Variants in ZC3H12C observed in about 807,000 individuals in gnomAD.
The protein encoded by ZC3H12C is probable ribonuclease ZC3H12C.
In ZC3H12C, 20 loss-of-function variants were observed where a neutral mutation model predicts 76.3. That is an observed-to-expected ratio of 0.26 (90% confidence interval 0.18 to 0.38). The LOEUF (loss-of-function observed/expected upper bound fraction) is 0.38, where lower values mean the gene tolerates loss of function less well. Among genes scored for constraint, ZC3H12C ranks in the 10% least tolerant of loss-of-function variants. The probability of loss-of-function intolerance (pLI) is 1.00; values close to 1 mark genes in which losing one functional copy is unlikely to be tolerated. For missense variants in ZC3H12C, 874 were observed against 1,086.5 expected (o/e 0.80, Z 2.75); for synonymous variants, 352 against 399.6 (o/e 0.88, Z 1.42).
At chr11:110,126,017 C>T (rs368750962) in intron 1 of ZC3H12C, among the ~76,000 whole-genome samples, 1 of 152,118 alleles carries the variant, frequency 6.6e-6, no homozygotes, top group South Asian at 2.1e-4. Flanking sequence ...TCGTGTTCTT[C>T]CAGTAAATGT....
rs745808533 is a variant in ZC3H12C at position 110,167,599 on chromosome 11, A to G, written c.*1862A>G. Reference sequence around the variant, plus strand: ...TGTCCAAGCACCTTTGACTAGGATAACATTTTCACTACTTGTGTGACACTG... The same window carrying G: ...TGTCCAAGCACCTTTGACTAGGATAGCATTTTCACTACTTGTGTGACACTG... On this transcript the variant is annotated 3_prime_UTR_variant, in exon 6 of 6. Coordinates refer to ENST00000278590, the MANE Select transcript of ZC3H12C (RefSeq NM_033390.2). The G allele has an allele frequency of 3.3e-5, 5 of 152,212 alleles. No homozygotes were observed. The highest frequency in any genetic ancestry group is 7.3e-5 in the Non-Finnish European group (5 of 68,032). 9.4% of individuals were successfully genotyped at this position (152,212 alleles called of 1,614,324 possible).
At chr11:110,112,463 T>A (rs1165090148) in intron 1 of ZC3H12C, among the ~76,000 whole-genome samples, 1 of 152,172 alleles carries the variant, frequency 6.6e-6, no homozygotes, top group Non-Finnish European at 1.5e-5. Flanking sequence ...AGTGCTGGGA[T>A]TATAGGTGTG....
intron 1 of ZC3H12C, among the ~76,000 whole-genome samples, chr11:110,109,957 G>A (rs1233742412): frequency 6.6e-6 from 1 of 152,132 alleles, no homozygotes; most frequent in African/African-American, 2.4e-5. Context: ...CCAGGTTTGA[G>A]TTTTTCCTCA....
intron 1 of ZC3H12C, chr11:110,131,401 C>A: frequency 3.0e-6 from 1 of 332,054 alleles, no homozygotes; most frequent in Non-Finnish European, 5.5e-6. Context: ...ATAAATGTTC[C>A]GATATTTTTG....
rs1347722390 is a variant in ZC3H12C, at chr11:110,164,460, G to A, written c.1375G>A (p.Ala459Thr). The change falls in exon 6 of 6, where the codon GCA (alanine) becomes ACA (threonine). Residue 459 changes from alanine to threonine, a missense_variant. Around this residue, in one of 3 missense-constraint regions of ZC3H12C, gnomAD observed 269 missense variants for 424.9 expected, o/e 0.63. Coordinates refer to ENST00000278590, the MANE Select transcript of ZC3H12C (RefSeq NM_033390.2). The surrounding 1 kb of genome is among the most constrained non-coding windows in gnomAD (Gnocchi z 5.7). ...AMSRNTAAKT[A>T]NEGGLVKSNS... ...GTCTAGAAATACGGCAGCCAAAACT[G>A]CAAACGAAGGAGGACTGGTGAAAAG... 4 of 1,614,014 alleles carry A rather than the reference G, an allele frequency of 2.5e-6. No homozygotes were observed. Among genetic ancestry groups the A allele is most frequent in the Non-Finnish European group, 2.5e-6 (3 of 1,179,904 alleles).
chr11:110,101,204 T>C (rs6589112), intron 1 of ZC3H12C, among the ~76,000 whole-genome samples: 112,335 of 152,044 alleles, frequency 0.74, 42,101 homozygotes, highest in East Asian at 0.89. Context: ...CTAAGAGAGG[T>C]GAGGAAGCTG....
At chr11:110,152,796 A>G (rs914323465) in intron 2 of ZC3H12C, 123 bp from the exon 3 acceptor site, 1 of 1,139,900 alleles carries the variant, frequency 8.8e-7, no homozygotes, top group Admixed American at 2.6e-5. Context: ...TATAAACTCC[A>G]TTTTAACTCT....
chr11:110,125,270 AG>A (rs1861719311), intron 1 of ZC3H12C, among the ~76,000 whole-genome samples: 1 of 138,684 alleles, frequency 7.2e-6, no homozygotes, highest in African/African-American at 2.7e-5. Flanking sequence ...ATCTCTCACT[AG>A]TGTGTGTGTG....
intron 2 of ZC3H12C, among the ~76,000 whole-genome samples, chr11:110,151,044 C>T (rs555032726): frequency 3.9e-5 from 6 of 152,012 alleles, no homozygotes; most frequent in African/African-American, 1.2e-4. Flanking sequence ...TTACCATTAA[C>T]GACATGCCGT....
chr11:110,164,515 A>G lies in ZC3H12C; in HGVS notation c.1430A>G (p.Asp477Gly), dbSNP rs372027524. Residue 477 changes from aspartate (D) to glycine (G), a missense_variant, in exon 6 of 6, where the codon GAT becomes GGT. This residue lies in a region of ZC3H12C where 269 missense variants were observed against 424.9 expected (regional missense o/e 0.63). Transcript: ENST00000278590. This position sits in a 1 kb window ranked among gnomAD's most constrained non-coding sequence, Gnocchi z 5.7. ...SNSVPCSTKA[D>G]STSDVKRGAP... ...AGTGTTCCTTGTAGCACCAAGGCTG[A>G]TAGCACTTCTGATGTCAAACGAGGT... 6.6e-5 allele frequency: 107 copies of G among 1,613,896 alleles called. No homozygotes were observed. Among genetic ancestry groups the G allele is most frequent in the Non-Finnish European group, 8.9e-5 (105 of 1,179,888 alleles).
intron 1 of ZC3H12C, among the ~76,000 whole-genome samples, chr11:110,129,465 C>T (rs1027221657): frequency 6.6e-6 from 1 of 152,052 alleles, no homozygotes; most frequent in African/African-American, 2.4e-5. Context: ...GCCAGGAGTC[C>T]CAAACTAGTG....
Position 110,126,387 on chromosome 11 carries a change from T to C in ZC3H12C, c.22-10276T>C, listed in dbSNP as rs117187242. On this transcript the variant is annotated intron_variant, in intron 1 of 5. Transcript: ENST00000278590. The stretch of plus-strand genomic sequence containing the variant: ...TGTGCCACTATGCCTGGCTAATCTT[T>C]TATTTTTTATTTTTGAGATACAGGA... 3.5e-3 allele frequency among the ~76,000 whole-genome samples: 527 copies of C among 151,772 alleles called. 20 individuals carry two copies. The East Asian group carries it at 0.083, about 24-fold the overall frequency.
intron 2 of ZC3H12C, among the ~76,000 whole-genome samples, chr11:110,143,282 A>G (rs978896305): frequency 2.0e-5 from 3 of 152,316 alleles, no homozygotes; most frequent in African/African-American, 7.2e-5. Flanking sequence ...CCCCCTGCTT[A>G]AGGACTACGG....
intron 1 of ZC3H12C, among the ~76,000 whole-genome samples, chr11:110,128,910 A>AG (rs1491071385): frequency 1.4e-5 from 2 of 145,394 alleles, no homozygotes; most frequent in Non-Finnish European, 3.0e-5. Flanking sequence ...AAAAAAAAAA[A>AG]AGAGATAAAG....
chr11:110,161,124 A>C (rs2134199060), intron 4 of ZC3H12C, among the ~76,000 whole-genome samples: 1 of 152,276 alleles, frequency 6.6e-6, no homozygotes, highest in Non-Finnish European at 1.5e-5. Context: ...GATTACAGGC[A>C]TGAGCCATCA....
intron 1 of ZC3H12C, among the ~76,000 whole-genome samples, chr11:110,096,597 G>C (rs1436102731): frequency 1.3e-5 from 2 of 151,768 alleles, no homozygotes; most frequent in Non-Finnish European, 2.9e-5. Flanking sequence ...CAGGCAGTCT[G>C]ACTTTATAAC....
chr11:110,143,683 A>ATATGTG (rs1862108973), intron 2 of ZC3H12C, among the ~76,000 whole-genome samples: 1 of 152,170 alleles, frequency 6.6e-6, no homozygotes. Context: ...ATGTATTTGT[A>ATATGTG]TATGTGTATG....
chr11:110,159,612 A>G, intron 4 of ZC3H12C, 122 bp downstream of exon 4: 1 of 833,982 alleles, frequency 1.2e-6, no homozygotes, highest in Non-Finnish European at 1.9e-6. Flanking sequence ...CTAACAACTG[A>G]TCTCCCCACT....
Position 110,121,218 on chromosome 11 carries a change from CAAAT to C in ZC3H12C, c.22-15440_22-15437del, listed in dbSNP as rs1184509765. On this transcript the variant is annotated intron_variant, in intron 1 of 5. Coordinates refer to ENST00000278590, the MANE Select transcript of ZC3H12C (RefSeq NM_033390.2). Reference sequence around the variant, plus strand: ...GAATAGGTTATGTGAGGGAAGTAAACAAATAAATCCAGAAAATAGATTTTGGTCC... The same window carrying C: ...GAATAGGTTATGTGAGGGAAGTAAACAAATCCAGAAAATAGATTTTGGTCC... Among the ~76,000 whole-genome samples, 3 of 152,156 alleles carry C rather than the reference CAAAT, an allele frequency of 2.0e-5. 1 individual carries two copies. The highest frequency in any genetic ancestry group is 4.1e-4 in the South Asian group (2 of 4,830).
Sources: gnomAD v4.1 joint callset for allele counts (sites outside exome capture counted in the v4.1 genomes callset) on GRCh38, gnomAD v4.1.1 for gene constraint, gnomAD v4.1.1 regional missense constraint, Gnocchi (gnomAD v3.1) non-coding constraint, MANE v1.5 for transcripts, NCBI Gene and HGNC (gene_info 2026-07-23, HGNC 2026-07-21) for gene names.